The following LRRC4C variants were observed in gnomAD, a reference collection of about 807,000 sequenced individuals.
LRRC4C encodes the protein leucine rich repeat containing 4C.
Under a neutral mutation model 33.6 loss-of-function variants are expected in LRRC4C, and 5 were observed. The ratio of observed to expected loss-of-function variants is 0.15; its 90% confidence interval spans 0.08 to 0.31. LRRC4C has a LOEUF of 0.31. Among genes scored for constraint, LRRC4C ranks in the 10% least tolerant of loss-of-function variants. The pLI is 1.00. For missense variants in LRRC4C, 560 were observed against 796.7 expected (o/e 0.70, Z 3.58); for synonymous variants, 329 against 302.0 (o/e 1.09, Z -0.93).
At chr11:40,842,276 G>A (rs947222874) in intron 2 of LRRC4C, among the ~76,000 whole-genome samples, 2 of 152,086 alleles carry the variant, frequency 1.3e-5, no homozygotes, top group African/African-American at 4.8e-5. Context: ...TCTGCCTCCT[G>A]CATCCCAATG....
At chr11:41,349,194 T>C (rs1233966072) in intron 1 of LRRC4C, among the ~76,000 whole-genome samples, 2 of 152,130 alleles carry the variant, frequency 1.3e-5, no homozygotes, top group African/African-American at 2.4e-5. Context: ...GTGGCCACCA[T>C]TGGCAGACCT....
chr11:40,903,678 C>T (rs1195327365), intron 2 of LRRC4C, among the ~76,000 whole-genome samples: 2 of 151,980 alleles, frequency 1.3e-5, no homozygotes, highest in Non-Finnish European at 2.9e-5. Context: ...TTGAGGGGTT[C>T]AAGACTTCAG....
At chr11:41,091,626 T>C (rs77105907) in intron 1 of LRRC4C, among the ~76,000 whole-genome samples, 394 of 152,256 alleles carry the variant, frequency 2.6e-3, no homozygotes, top group African/African-American at 9.2e-3. Flanking sequence ...GACTACTATT[T>C]GAGCAAAACT....
chr11:40,974,277 T>C (rs1378994122), intron 1 of LRRC4C, among the ~76,000 whole-genome samples: 3 of 152,194 alleles, frequency 2.0e-5, no homozygotes. Flanking sequence ...TTGTTATTGA[T>C]TTTTAATCTC....
intron 2 of LRRC4C, among the ~76,000 whole-genome samples, chr11:40,770,911 C>T (rs936936946): frequency 2.0e-5 from 3 of 152,154 alleles, no homozygotes; most frequent in African/African-American, 7.2e-5. Context: ...CCCCCCCTCC[C>T]AGCTGTTTTC....
intron 3 of LRRC4C, among the ~76,000 whole-genome samples, chr11:40,559,595 C>T (rs1436053910): frequency 1.3e-5 from 2 of 152,160 alleles, no homozygotes; most frequent in Non-Finnish European, 1.5e-5. Context: ...AATCACCAAA[C>T]GGCTTTCCAC....
chr11:40,146,198 C>G (rs1355132255), intron 5 of LRRC4C, among the ~76,000 whole-genome samples: 1 of 152,144 alleles, frequency 6.6e-6, no homozygotes, highest in East Asian at 1.9e-4. Context: ...GAACAGTCAT[C>G]AGTGACTTAT....
Position 41,319,067 on chromosome 11 carries a change from A to T in LRRC4C, c.-496+140364T>A, listed in dbSNP as rs2922022. ...ATATGTGGTTGGGCACCAGTTTTGGATTTCACATGTTCTCTGGCAGTCTTG... is the reference window on the plus strand; with the variant it reads ...ATATGTGGTTGGGCACCAGTTTTGGTTTTCACATGTTCTCTGGCAGTCTTG... On this transcript the variant is annotated intron_variant, in intron 1 of 6. Transcript: ENST00000528697. Among the ~76,000 whole-genome samples, 859 of 152,304 alleles carry T rather than the reference A, an allele frequency of 5.6e-3. 21 individuals carry two copies. In the East Asian group the frequency reaches 0.073, roughly 13 times the overall value.
intron 3 of LRRC4C, among the ~76,000 whole-genome samples, chr11:40,630,364 T>A (rs1963369264): frequency 1.4e-5 from 1 of 69,246 alleles, no homozygotes; most frequent in Non-Finnish European, 3.4e-5. Flanking sequence ...TTCTTCTTCT[T>A]CTTCTTCTTC....
intron 2 of LRRC4C, among the ~76,000 whole-genome samples, chr11:40,794,373 CAAAAA>C (rs57476895): frequency 0.026 from 1,982 of 76,954 alleles, 35 homozygotes; most frequent in African/African-American, 0.068. Flanking sequence ...TAAACGCCAG[CAAAAA>C]AAAAAAAAAA....
At chr11:41,287,345 G>A (rs1949859976) in intron 1 of LRRC4C, among the ~76,000 whole-genome samples, 1 of 152,170 alleles carries the variant, frequency 6.6e-6, no homozygotes, top group East Asian at 1.9e-4. Context: ...AACATAGGAT[G>A]ATGGAAGGGT....
At chr11:40,820,474 G>A (rs1432557530) in intron 2 of LRRC4C, among the ~76,000 whole-genome samples, 1 of 151,848 alleles carries the variant, frequency 6.6e-6, no homozygotes, top group Non-Finnish European at 1.5e-5. Context: ...CCAGTATGAA[G>A]AGTAGGGAGT....
intron 3 of LRRC4C, among the ~76,000 whole-genome samples, chr11:40,566,086 G>GTTTTTTTTT: frequency 2.9e-4 from 18 of 62,740 alleles, no homozygotes; most frequent in Non-Finnish European, 3.5e-4. Context: ...TTTTTACTAA[G>GTTTTTTTTT]TTTTTTTTTT....
chr11:40,288,718 G>T (rs1047274270), intron 4 of LRRC4C, among the ~76,000 whole-genome samples: 7 of 152,196 alleles, frequency 4.6e-5, no homozygotes, highest in Non-Finnish European at 8.8e-5. Flanking sequence ...ACAAAGTAAA[G>T]ATTTTGTTTA....
At chr11:40,153,769 T>C (rs994747085) in intron 5 of LRRC4C, among the ~76,000 whole-genome samples, 5 of 151,908 alleles carry the variant, frequency 3.3e-5, no homozygotes, top group Non-Finnish European at 7.4e-5. Context: ...AAAATATGAA[T>C]AAAACTTCCA....
intron 3 of LRRC4C, among the ~76,000 whole-genome samples, chr11:40,429,152 C>A (rs1950819872): frequency 6.6e-6 from 1 of 152,174 alleles, no homozygotes; most frequent in Admixed American, 6.5e-5. Context: ...AGGCATTGTG[C>A]AACTTCCGCC....
intron 5 of LRRC4C, among the ~76,000 whole-genome samples, chr11:40,144,656 A>G (rs898755787): frequency 6.6e-6 from 1 of 152,232 alleles, no homozygotes; most frequent in Admixed American, 6.5e-5. Flanking sequence ...CTCAACAAAT[A>G]TAGGAGGAAG....
intron 3 of LRRC4C, among the ~76,000 whole-genome samples, chr11:40,341,105 C>T (rs569880338): frequency 6.6e-6 from 1 of 152,254 alleles, no homozygotes; most frequent in Non-Finnish European, 1.5e-5. Flanking sequence ...AGTCAAAAAC[C>T]CTAAAACGAA....
At chr11:40,887,962 A>G (rs894706650) in intron 2 of LRRC4C, among the ~76,000 whole-genome samples, 3 of 151,902 alleles carry the variant, frequency 2.0e-5, no homozygotes, top group Non-Finnish European at 4.4e-5. Context: ...TCAAACATGT[A>G]AAAGTTTGGT....
Sources: allele counts gnomAD v4.1 joint callset (sites outside exome capture counted in the v4.1 genomes callset), GRCh38; gene constraint gnomAD v4.1.1; transcripts MANE v1.5; gene names NCBI Gene and HGNC (gene_info 2026-07-23, HGNC 2026-07-21).